Variants in PCDHA11 observed in about 807,000 individuals in gnomAD.
PCDHA11 encodes the protein protocadherin alpha-11.
A neutral mutation model predicts 70.3 loss-of-function variants in PCDHA11; 61 were observed. The observed-to-expected ratio is 0.87, with a 90% CI of 0.71 to 1.07. PCDHA11 has a LOEUF of 1.07. Among genes scored for constraint, PCDHA11 ranks in the 50% least tolerant of loss-of-function variants. The pLI is 0.00. For synonymous variants in PCDHA11, 633 were observed against 555.1 expected (o/e 1.14, Z -1.97); for missense variants, 1,324 against 1,237.5 (o/e 1.07, Z -1.05).
intron 1 of PCDHA11, among the ~76,000 whole-genome samples, chr5:140,878,611 T>A (rs1167613009): frequency 2.0e-5 from 3 of 152,236 alleles, no homozygotes; most frequent in Non-Finnish European, 4.4e-5. Context: ...TCTTCTAATG[T>A]GCATTTTACA....
intron 1 of PCDHA11, among the ~76,000 whole-genome samples, chr5:140,941,214 C>CTTTTT (rs1554214039): frequency 1.2e-4 from 15 of 122,492 alleles, no homozygotes; most frequent in African/African-American, 4.3e-4. Context: ...TTTCTTTCTT[C>CTTTTT]CTTTCTTTCT....
chr5:140,898,542 T>G (rs368410152), intron 1 of PCDHA11, among the ~76,000 whole-genome samples: 2 of 152,286 alleles, frequency 1.3e-5, no homozygotes, highest in East Asian at 3.9e-4. Context: ...CTGTTCCATT[T>G]ATCTATGTCT....
intron 1 of PCDHA11, among the ~76,000 whole-genome samples, chr5:140,919,033 G>T (rs149900813): frequency 6.6e-6 from 1 of 152,282 alleles, no homozygotes; most frequent in African/African-American, 2.4e-5. Flanking sequence ...CTGCCTAGTT[G>T]TTGTCCATTA....
At chr5:140,966,836 C>T in intron 1 of PCDHA11, 1 of 1,565,250 alleles carries the variant, frequency 6.4e-7, no homozygotes, top group Non-Finnish European at 8.6e-7. Context: ...GCCCTGGCTG[C>T]TGCTACTGCC....
intron 3 of PCDHA11, among the ~76,000 whole-genome samples, chr5:140,997,668 T>TTGTGTGTGTGTGTGTGTGTG (rs35184029): frequency 6.7e-6 from 1 of 148,244 alleles, no homozygotes; most frequent in African/African-American, 2.5e-5. Context: ...ATTATACAGC[T>TTGTGTGTGTGTGTGTGTGTG]TGTGTGTGTG....
At position 140,901,836 on chromosome 5, in the gene PCDHA11, G is replaced by A. The variant is rs183480993; in HGVS notation, c.2391+30342G>A. On this transcript the variant is annotated intron_variant, in intron 1 of 3. Coordinates refer to ENST00000398640, the MANE Select transcript of PCDHA11 (RefSeq NM_018902.5). The stretch of plus-strand genomic sequence containing the variant: ...ATTGATTCTTCCAGTCCATAAACAT[G>A]CAATATCTTTCCATTTTTTTGTGTC... 2.6e-3 allele frequency among the ~76,000 whole-genome samples: 395 copies of A among 152,228 alleles called. 2 individuals carry two copies. The highest frequency in any genetic ancestry group is 9.2e-3 in the African/African-American group (384 of 41,554).
At chr5:140,877,116 C>T in intron 1 of PCDHA11, 4 of 1,613,672 alleles carry the variant, frequency 2.5e-6, no homozygotes, top group Non-Finnish European at 2.5e-6. Context: ...TGGGCAGCAA[C>T]GTGACGCTGC....
intron 3 of PCDHA11, among the ~76,000 whole-genome samples, chr5:140,983,265 T>C (rs553920702): frequency 6.6e-6 from 1 of 152,200 alleles, no homozygotes; most frequent in Non-Finnish European, 1.5e-5. Flanking sequence ...AAAAACCTAA[T>C]GGCTGGGTGA....
intron 1 of PCDHA11, among the ~76,000 whole-genome samples, chr5:140,902,203 C>CTTTTT (rs148688132): frequency 5.6e-5 from 7 of 124,458 alleles, no homozygotes; most frequent in South Asian, 2.5e-4. Context: ...CTCTCTCTTT[C>CTTTTT]TTTTTTTTTT....
chr5:140,876,022 A>G lies in PCDHA11; in HGVS notation c.2391+4528A>G, dbSNP rs782132751. ...TGAGAATTTTGAGCTTAAAATAAAA[A>G]CAAAAAAAGATAAAAGTATATTGCC... On this transcript the variant is annotated intron_variant, in intron 1 of 3. Coordinates refer to ENST00000398640, the MANE Select transcript of PCDHA11 (RefSeq NM_018902.5). 1.7e-5 allele frequency: 28 copies of G among 1,613,632 alleles called. No homozygotes were observed. The highest frequency in any genetic ancestry group is 2.2e-5 in the Non-Finnish European group (26 of 1,179,850).
chr5:140,894,554 G>GAAA (rs1204407145), intron 1 of PCDHA11, among the ~76,000 whole-genome samples: 2 of 151,600 alleles, frequency 1.3e-5, no homozygotes, highest in African/African-American at 4.8e-5. Context: ...GTTTACTTCT[G>GAAA]AAAAAATTAT....
At chr5:140,938,606 T>G (rs2092130259) in intron 1 of PCDHA11, among the ~76,000 whole-genome samples, 1 of 152,166 alleles carries the variant, frequency 6.6e-6, no homozygotes, top group African/African-American at 2.4e-5. Flanking sequence ...AATCTTGCAT[T>G]CTTGGAATAA....
At chr5:140,967,708 C>A (rs782464741) in intron 1 of PCDHA11, 1 of 1,614,158 alleles carries the variant, frequency 6.2e-7, no homozygotes, top group Admixed American at 1.7e-5. Context: ...ATGCCAGTAC[C>A]GGGGAAGTGC....
rs782226254 is a variant in PCDHA11 at position 140,882,345 on chromosome 5, C to T, written c.2391+10851C>T. The T allele has an allele frequency of 6.8e-6, 11 of 1,614,042 alleles. No homozygotes were observed. In the Admixed American group the frequency reaches 1.5e-4, roughly 22 times the overall value. Reference sequence around the variant, plus strand: ...CTTCTGATCCTCGCAGCCTGGGAGACGGGTAGTGGCCAGCTCCACTACTCC... The same window carrying T: ...CTTCTGATCCTCGCAGCCTGGGAGATGGGTAGTGGCCAGCTCCACTACTCC... On this transcript the variant is annotated intron_variant, in intron 1 of 3. Transcript: ENST00000398640.
intron 1 of PCDHA11, among the ~76,000 whole-genome samples, chr5:140,901,473 A>C (rs1554189862): frequency 1.3e-5 from 2 of 152,012 alleles, no homozygotes. Flanking sequence ...TCTCGAGTTT[A>C]TGTTCTTGGC....
At chr5:140,931,744 C>G (rs2087714665) in intron 1 of PCDHA11, among the ~76,000 whole-genome samples, 5 of 151,904 alleles carry the variant, frequency 3.3e-5, no homozygotes, top group Admixed American at 3.3e-4. Flanking sequence ...TTGTAATTCA[C>G]AAAGGCATTT....
chr5:141,004,871 C>T (rs2098186149), intron 3 of PCDHA11, among the ~76,000 whole-genome samples: 2 of 152,126 alleles, frequency 1.3e-5, no homozygotes, highest in South Asian at 4.1e-4. Context: ...TGTTTCTCAT[C>T]CCTAAAGTGC....
intron 3 of PCDHA11, among the ~76,000 whole-genome samples, chr5:141,001,365 T>C (rs577695639): frequency 6.6e-6 from 1 of 152,354 alleles, no homozygotes; most frequent in African/African-American, 2.4e-5. Context: ...AGCCTACTAT[T>C]CTGATTACAG....
At chr5:140,906,278 C>A (rs546102354) in intron 1 of PCDHA11, among the ~76,000 whole-genome samples, 1 of 152,152 alleles carries the variant, frequency 6.6e-6, no homozygotes, top group Admixed American at 6.6e-5. Flanking sequence ...AGATAATCTT[C>A]AAATTAAGAC....
Sources: allele counts gnomAD v4.1 joint callset (sites outside exome capture counted in the v4.1 genomes callset), GRCh38; gene constraint gnomAD v4.1.1; transcripts MANE v1.5; gene names NCBI Gene and HGNC (gene_info 2026-07-23, HGNC 2026-07-21).